The following SMYD3 variants were observed in gnomAD, a reference collection of about 807,000 sequenced individuals.
SMYD3 encodes the protein SET and MYND domain containing 3, also known as histone-lysine N-methyltransferase SMYD3.
SMYD3 carries 36 observed loss-of-function variants against 57.7 expected under a neutral mutation model. The ratio of observed to expected loss-of-function variants is 0.62; its 90% CI spans 0.48 to 0.82. SMYD3 has a LOEUF of 0.82. Ranked by LOEUF, SMYD3 falls within the 40% of genes least tolerant of loss-of-function variation. The pLI is 0.00. For synonymous variants in SMYD3, 211 were observed against 195.0 expected (o/e 1.08, Z -0.68); for missense variants, 515 against 538.8 (o/e 0.96, Z 0.44).
chr1:245,850,615 C>T (rs984853159), intron 10 of SMYD3, among the ~76,000 whole-genome samples: 1 of 152,024 alleles, frequency 6.6e-6, no homozygotes, highest in African/African-American at 2.4e-5. Context: ...GTGGGAGGAA[C>T]ACTTGAGCCC....
At position 246,194,094 on chromosome 1, in the gene SMYD3, A is replaced by G. The variant is rs111895975; in HGVS notation, c.531+133107T>C. On this transcript the variant is annotated intron_variant, in intron 5 of 11. Transcript: ENST00000490107. ...AGCTCTAAAGGTTCCTCATACCATC[A>G]TGAAATTTAAGAGGTACATGAGCAA... is the stretch of plus-strand genomic sequence containing the variant. Among the ~76,000 whole-genome samples, 1,148 of 152,290 alleles carry G rather than the reference A, an allele frequency of 7.5e-3. 9 individuals carry two copies. Among genetic ancestry groups the G allele is most frequent in the African/African-American group, 0.026 (1,078 of 41,554 alleles).
intron 5 of SMYD3, among the ~76,000 whole-genome samples, chr1:246,152,219 C>A (rs2061951560): frequency 6.6e-6 from 1 of 152,154 alleles, no homozygotes; most frequent in Admixed American, 6.5e-5. Flanking sequence ...AGAGAAAAGG[C>A]AGCCTGGGAC....
chr1:245,806,636 C>T (rs994165883), intron 10 of SMYD3, among the ~76,000 whole-genome samples: 5 of 152,064 alleles, frequency 3.3e-5, no homozygotes, highest in East Asian at 1.9e-4. Context: ...GAAGGCCGGG[C>T]GCGGTGGCTC....
intron 1 of SMYD3, among the ~76,000 whole-genome samples, chr1:246,379,081 T>TATACACACACAC (rs1553340115): frequency 1.5e-5 from 2 of 130,520 alleles, no homozygotes; most frequent in Non-Finnish European, 1.6e-5. Context: ...CACACATACA[T>TATACACACACAC]ACACACACAC....
rs1475100979 is a variant in SMYD3, at chr1:245,971,536, C to T, written c.532-41599G>A. ...CAGTTTATACAATCTATTAAGAGAACGCACACGCTCTCGTCTGGTTAGAAC... is the reference window on the plus strand; with the variant it reads ...CAGTTTATACAATCTATTAAGAGAATGCACACGCTCTCGTCTGGTTAGAAC... On this transcript the variant is annotated intron_variant, in intron 5 of 11. Coordinates refer to ENST00000490107, the MANE Select transcript of SMYD3 (RefSeq NM_001167740.2). Among the ~76,000 whole-genome samples, 5 of 152,164 alleles carry T rather than the reference C, an allele frequency of 3.3e-5. No individual in the cohort carries two copies. The East Asian group carries it at 5.8e-4, about 18-fold the overall frequency.
In SMYD3 at chr1:245,829,957, G is replaced by T. The variant is rs548706045; in HGVS notation, c.1076+28539C>A. Among the ~76,000 whole-genome samples, 4 of 152,172 alleles carry T rather than the reference G, an allele frequency of 2.6e-5. No individual in the cohort carries two copies. The East Asian group carries it at 7.7e-4, about 29-fold the overall frequency. On this transcript the variant is annotated intron_variant, in intron 10 of 11. Transcript: ENST00000490107. ...GCAGATTAATGGTTATCTAGGGACT[G>T]GGGGGCTGGGGAGATGGGGTATGAC... is the stretch of plus-strand genomic sequence containing the variant.
chr1:246,392,425 A>C (rs576182395), intron 1 of SMYD3, among the ~76,000 whole-genome samples: 59 of 152,130 alleles, frequency 3.9e-4, no homozygotes, highest in Non-Finnish European at 6.8e-4. Context: ...CAATTATTTC[A>C]ATCCTCATAA....
rs41267527 is a variant in SMYD3, at chr1:245,749,380, G to A, written c.*183C>T. On this transcript the variant is annotated 3_prime_UTR_variant, in exon 12 of 12. Transcript: ENST00000490107. The stretch of plus-strand genomic sequence containing the variant: ...CAAATGTTTTGAATTTATTATAATC[G>A]TGCTTCTCTACAACTAATGATTCTT... 1,040 of 492,988 alleles carry A rather than the reference G, an allele frequency of 2.1e-3. 4 individuals are homozygous for A. The highest frequency in any genetic ancestry group is 3.2e-3 in the Non-Finnish European group (892 of 280,582). 30.5% of individuals were successfully genotyped at this position (492,988 alleles called of 1,614,324 possible). A position where few individuals can be genotyped will look rare whatever the true frequency, so the allele number is the denominator to read the frequency against.
chr1:245,994,994 A>C (rs2148127238), intron 5 of SMYD3, among the ~76,000 whole-genome samples: 1 of 152,224 alleles, frequency 6.6e-6, no homozygotes, highest in South Asian at 2.1e-4. Flanking sequence ...GGGTGGTGGC[A>C]TGCGCCTGTA....
Position 246,264,840 on chromosome 1 carries a change from T to C in SMYD3, c.531+62361A>G, listed in dbSNP as rs1370810252. On this transcript the variant is annotated intron_variant, in intron 5 of 11. Transcript: ENST00000490107. ...GGATAGTGACAACAATAATAACCAC[T>C]ATTTACTAAGTGCTATGTTCTAAAC... Among the ~76,000 whole-genome samples the C allele has an allele frequency of 2.0e-5, 3 of 152,210 alleles. 1 individual carries two copies. The highest frequency in any genetic ancestry group is 2.9e-5 in the Non-Finnish European group (2 of 68,030).
chr1:245,771,201 C>A (rs746046335), intron 10 of SMYD3, among the ~76,000 whole-genome samples: 2 of 151,718 alleles, frequency 1.3e-5, no homozygotes, highest in Non-Finnish European at 2.9e-5. Context: ...CTAAAGACAG[C>A]AAGTCACAGA....
At chr1:245,978,104 G>C (rs1352483160) in intron 5 of SMYD3, among the ~76,000 whole-genome samples, 1 of 152,194 alleles carries the variant, frequency 6.6e-6, no homozygotes, top group African/African-American at 2.4e-5. Context: ...TGTAGGAGCT[G>C]AGTGAACATG....
At chr1:246,346,856 T>C (rs1272460599) in intron 2 of SMYD3, among the ~76,000 whole-genome samples, 1 of 152,152 alleles carries the variant, frequency 6.6e-6, no homozygotes, top group Non-Finnish European at 1.5e-5. Flanking sequence ...GACTCAGATA[T>C]GGCAAGGATG....
intron 5 of SMYD3, among the ~76,000 whole-genome samples, chr1:246,038,446 G>C (rs1325928208): frequency 1.3e-5 from 2 of 151,950 alleles, no homozygotes; most frequent in African/African-American, 4.8e-5. Context: ...GAAAACTTTC[G>C]ACGGAAGGCT....
chr1:245,944,032 C>T (rs932806819), intron 5 of SMYD3, among the ~76,000 whole-genome samples: 1 of 152,110 alleles, frequency 6.6e-6, no homozygotes, highest in Non-Finnish European at 1.5e-5. Context: ...CAGCCAATGT[C>T]ATACTGAATG....
chr1:246,441,034 G>A (rs1320730234), intron 1 of SMYD3, among the ~76,000 whole-genome samples: 2 of 152,104 alleles, frequency 1.3e-5, no homozygotes, highest in South Asian at 2.1e-4. Flanking sequence ...GTTACATTAC[G>A]TAGAAGTAAA....
At position 246,408,101 on chromosome 1, in the gene SMYD3, T is replaced by C. The variant is rs539685333; in HGVS notation, c.165-53007A>G. ...CCCATTCATGAGGACTCTGCCTTCC[T>C]GAGCTAATTACCTCCCCGAAGCACC... On this transcript the variant is annotated intron_variant, in intron 1 of 11. Coordinates refer to ENST00000490107, the MANE Select transcript of SMYD3 (RefSeq NM_001167740.2). 9.9e-5 allele frequency among the ~76,000 whole-genome samples: 15 copies of C among 152,046 alleles called. No homozygotes were observed. In the South Asian group the frequency reaches 2.9e-3, roughly 29 times the overall value.
At chr1:246,351,094 T>C (rs1359703269) in intron 2 of SMYD3, among the ~76,000 whole-genome samples, 1 of 152,242 alleles carries the variant, frequency 6.6e-6, no homozygotes, top group Non-Finnish European at 1.5e-5. Flanking sequence ...ATTAATTTTC[T>C]ACCCATCGAA....
intron 5 of SMYD3, among the ~76,000 whole-genome samples, chr1:246,080,836 T>G (rs1292027405): frequency 6.6e-6 from 1 of 152,244 alleles, no homozygotes; most frequent in East Asian, 1.9e-4. Context: ...TGTTAACTGC[T>G]GTCTCCCCAA....
Sources: allele counts gnomAD v4.1 joint callset (sites outside exome capture counted in the v4.1 genomes callset), GRCh38; gene constraint gnomAD v4.1.1; transcripts MANE v1.5; gene names NCBI Gene and HGNC (gene_info 2026-07-23, HGNC 2026-07-21).